SFTPD: variants seen among roughly 807,000 people sequenced by gnomAD.
SFTPD encodes surfactant protein D.
Under a neutral mutation model 34.6 loss-of-function variants are expected in SFTPD, and 18 were observed. The observed-to-expected ratio is 0.52, with a 90% CI of 0.36 to 0.77. The LOEUF is 0.77. Ranked by LOEUF, SFTPD falls within the 30% of genes least tolerant of loss-of-function variation. The pLI is 0.00. For missense variants in SFTPD, 433 were observed against 468.9 expected, an observed-to-expected ratio of 0.92 and a Z score of 0.71; for synonymous variants, 155 against 180.9, an observed-to-expected ratio of 0.86 and a Z score of 1.15.
At chr10:79,940,180 T>C (rs561382996) in intron 7 of SFTPD, among the ~76,000 whole-genome samples, 1 of 152,220 alleles carries the variant, frequency 6.6e-6, no homozygotes, top group South Asian at 2.1e-4. Flanking sequence ...TGCCTTGGGA[T>C]GTGCAGCAGC....
chr10:79,945,444 A>G (rs1842655445), intron 2 of SFTPD, among the ~76,000 whole-genome samples: 1 of 152,150 alleles, frequency 6.6e-6, no homozygotes, highest in African/African-American at 2.4e-5. Context: ...GTCTTTCCAG[A>G]AAGTTAAAGA....
chr10:79,972,091 C>A (rs367804378), intron 1 of SFTPD: 1 of 152,106 alleles, frequency 6.6e-6, no homozygotes, highest in South Asian at 2.1e-4. Context: ...CTTATTACAC[C>A]AATTCAGGCC....
At chr10:79,949,385 G>A (rs1374090279), upstream of SFTPD, among the ~76,000 whole-genome samples, 1 of 152,196 alleles carries the variant, frequency 6.6e-6, no homozygotes, top group Non-Finnish European at 1.5e-5. Context: ...TTTTATAGAT[G>A]TCTAGAAATC....
upstream of SFTPD, among the ~76,000 whole-genome samples, chr10:79,954,008 T>C (rs2132508898): frequency 6.6e-6 from 1 of 151,990 alleles, no homozygotes; most frequent in East Asian, 1.9e-4. Flanking sequence ...TTGTGGGTTT[T>C]TTTTTTTATA....
intron 1 of SFTPD, among the ~76,000 whole-genome samples, chr10:79,968,025 C>CAA (rs1230184459): frequency 2.2e-5 from 3 of 138,558 alleles, no homozygotes; most frequent in Middle Eastern, 3.4e-3. Context: ...CCTTATTGCT[C>CAA]AGAAAAAAAA....
At chr10:79,963,348 TAAA>T (rs61707427) in intron 1 of SFTPD, among the ~76,000 whole-genome samples, 2,271 of 139,240 alleles carry the variant, frequency 0.016, 70 homozygotes, top group African/African-American at 0.057. Context: ...CCGTGTCTCT[TAAA>T]AAAAAAAAAA....
intron 2 of SFTPD, among the ~76,000 whole-genome samples, chr10:79,945,696 T>G (rs1229199882): frequency 6.6e-6 from 1 of 152,142 alleles, no homozygotes; most frequent in Non-Finnish European, 1.5e-5. Flanking sequence ...AAATAAAGCC[T>G]TTGGCTCAAT....
chr10:79,943,215 A>G (rs1319136778), intron 2 of SFTPD, among the ~76,000 whole-genome samples: 11 of 152,076 alleles, frequency 7.2e-5, no homozygotes, highest in Admixed American at 4.6e-4. Flanking sequence ...CCATATATAT[A>G]TATTAGGGAA....
At chr10:79,940,965 T>C (rs1842605270) in intron 6 of SFTPD, among the ~76,000 whole-genome samples, 177 bp from the exon 7 acceptor site, 1 of 149,268 alleles carries the variant, frequency 6.7e-6, no homozygotes, top group South Asian at 2.1e-4. Context: ...CTTATGGTTC[T>C]GCTATGAACA....
intron 1 of SFTPD, among the ~76,000 whole-genome samples, chr10:79,962,302 T>TA (rs35688441): frequency 1.3e-4 from 20 of 151,468 alleles, no homozygotes; most frequent in Non-Finnish European, 2.7e-4. Flanking sequence ...TAATAATAAT[T>TA]AAAAAAAATC....
At chr10:79,970,458 G>A (rs1415544729) in intron 1 of SFTPD, 1 of 151,960 alleles carries the variant, frequency 6.6e-6, no homozygotes, top group Non-Finnish European at 1.5e-5. Flanking sequence ...GATCATTTTT[G>A]GTAGTATGGT....
chr10:79,956,724 G>A (rs1000316962), intron 1 of SFTPD, among the ~76,000 whole-genome samples: 2 of 152,140 alleles, frequency 1.3e-5, no homozygotes, highest in Admixed American at 1.3e-4. Context: ...ACCTCTGGGG[G>A]CAGGGCACAG....
intron 1 of SFTPD, among the ~76,000 whole-genome samples, chr10:79,960,452 G>T (rs7076922): frequency 0.032 from 4,824 of 148,994 alleles, 115 homozygotes; most frequent in African/African-American, 0.066. Context: ...CAAAGTCTCA[G>T]GATACAAAAT....
chr10:79,940,747 G>T lies in SFTPD; in HGVS notation c.709C>A (p.Gln237Lys), dbSNP rs779256881. 1 of 1,612,322 alleles carries T rather than the reference G, an allele frequency of 6.2e-7. No individual in the cohort carries two copies. Among genetic ancestry groups the T allele is most frequent in the African/African-American group, 1.3e-5 (1 of 74,906 alleles). Residue 237 changes from glutamine (Q) to lysine (K), a missense_variant, in exon 7 of 8, where the codon CAA becomes AAA. Physicochemically the swap from Gln to Lys is moderately conservative, Grantham distance 53. Transcript: ENST00000372292. Reference protein sequence around the residue: ...LRQQVEALQGQVQHLQAAFSQ... With the variant: ...LRQQVEALQGKVQHLQAAFSQ... ...AAAGCAGCCTGGAGGTGCTGTACTT[G>T]TCCCTGTAAGGCCTCAACCTGCTGC...
chr10:79,964,955 T>C (rs924582868), intron 1 of SFTPD, among the ~76,000 whole-genome samples: 1 of 152,188 alleles, frequency 6.6e-6, no homozygotes, highest in African/African-American at 2.4e-5. Flanking sequence ...TTCCCACCTC[T>C]ATACAGTCCA....
At chr10:79,973,418 G>C (rs1842846530) in intron 1 of SFTPD, among the ~76,000 whole-genome samples, 1 of 151,974 alleles carries the variant, frequency 6.6e-6, no homozygotes, top group Non-Finnish European at 1.5e-5. Context: ...AGGAGTTCAA[G>C]ACCAGCCTGG....
intron 4 of SFTPD, 73 bp downstream of exon 4, chr10:79,942,315 G>T: frequency 1.9e-6 from 2 of 1,041,268 alleles, no homozygotes; most frequent in Non-Finnish European, 1.5e-6. Context: ...CTCTGAGCAC[G>T]CCTCAGGTCA....
intron 1 of SFTPD, chr10:79,968,102 A>G (rs554811328): frequency 1.3e-5 from 2 of 152,282 alleles, no homozygotes; most frequent in South Asian, 4.1e-4. Flanking sequence ...TGACTCATGC[A>G]TACAATATAT....
chr10:79,963,847 C>A (rs1842788520), intron 1 of SFTPD, among the ~76,000 whole-genome samples: 1 of 152,166 alleles, frequency 6.6e-6, no homozygotes, highest in Admixed American at 6.5e-5. Flanking sequence ...GACATGATTT[C>A]ATTCTTTTTT....
Sources: allele counts gnomAD v4.1 joint callset (sites outside exome capture counted in the v4.1 genomes callset), GRCh38; gene constraint gnomAD v4.1.1; transcripts MANE v1.5; gene names NCBI Gene and HGNC (gene_info 2026-07-23, HGNC 2026-07-21).